The following IL1RAPL1 variants were observed in gnomAD, a reference collection of about 807,000 sequenced individuals.
IL1RAPL1 encodes the protein interleukin 1 receptor accessory protein like 1.
Under a neutral mutation model 48.4 loss-of-function variants are expected in IL1RAPL1, and 3 were observed. That is an observed-to-expected ratio of 0.06 (90% CI 0.03 to 0.16). The LOEUF is 0.16. IL1RAPL1 is among the 10% of genes least tolerant of loss of function. IL1RAPL1 has a pLI of 1.00. For missense variants in IL1RAPL1, 349 were observed against 530.6 expected (o/e 0.66, Z 3.36); for synonymous variants, 185 against 187.7 (o/e 0.99, Z 0.12).
intron 5 of IL1RAPL1, among the ~76,000 whole-genome samples, chrX:29,429,045 T>G (rs1934383856): frequency 8.9e-6 from 1 of 112,492 alleles, no homozygotes; most frequent in African/African-American, 3.2e-5. Context: ...AGGCGAACTC[T>G]TCCCTTAACC....
intron 1 of IL1RAPL1, among the ~76,000 whole-genome samples, chrX:28,674,661 A>G (rs2074232927): frequency 8.9e-6 from 1 of 111,775 alleles, no homozygotes; most frequent in African/African-American, 3.2e-5. Flanking sequence ...TCTTGGAGAT[A>G]TATTTATTTT....
chrX:29,587,500 GA>G (rs1456991803), intron 5 of IL1RAPL1, among the ~76,000 whole-genome samples: 1 of 111,032 alleles, frequency 9.0e-6, no homozygotes, highest in Non-Finnish European at 1.9e-5. Context: ...CAATATTCTT[GA>G]AAATTGCTCA....
intron 3 of IL1RAPL1, among the ~76,000 whole-genome samples, chrX:29,381,814 CAAAAAAA>C (rs1213630768): frequency 2.1e-4 from 7 of 33,376 alleles, no homozygotes; most frequent in African/African-American, 4.3e-4. Flanking sequence ...AGACTGTTGC[CAAAAAAA>C]AAAAAAAAAA....
intron 5 of IL1RAPL1, among the ~76,000 whole-genome samples, chrX:29,666,682 T>C (rs1926008142): frequency 9.0e-6 from 1 of 110,768 alleles, no homozygotes; most frequent in Admixed American, 9.8e-5. Flanking sequence ...CGGGTTTTAT[T>C]ATCTTTCTCT....
At chrX:29,867,481 A>G (rs142550129) in intron 6 of IL1RAPL1, among the ~76,000 whole-genome samples, 1,187 of 112,000 alleles carry the variant, frequency 0.011, 14 homozygotes, top group African/African-American at 0.035. Context: ...TTGAGGACAC[A>G]GCATTCAAGG....
chrX:29,257,119 C>T (rs1320562518), intron 2 of IL1RAPL1, among the ~76,000 whole-genome samples: 1 of 111,475 alleles, frequency 9.0e-6, no homozygotes, highest in Non-Finnish European at 1.9e-5. Context: ...ATAAACAGCT[C>T]ACAGAGATAT....
chrX:28,888,335 G>A (rs1453091734), intron 2 of IL1RAPL1, among the ~76,000 whole-genome samples: 1 of 111,015 alleles, frequency 9.0e-6, no homozygotes, highest in African/African-American at 3.3e-5. Flanking sequence ...TTAGGCAGTC[G>A]GCACCTCAAC....
intron 3 of IL1RAPL1, among the ~76,000 whole-genome samples, chrX:29,350,637 C>T (rs368104015): frequency 1.1e-3 from 113 of 106,967 alleles, no homozygotes; most frequent in African/African-American, 3.5e-3. Context: ...ACACACCCAG[C>T]GATGGGCTGG....
chrX:28,787,824 A>T (rs1216827679), intron 1 of IL1RAPL1, among the ~76,000 whole-genome samples: 1 of 111,879 alleles, frequency 8.9e-6, no homozygotes, highest in Non-Finnish European at 1.9e-5. Flanking sequence ...TGGATTGATC[A>T]GTCCTCAAGT....
At chrX:28,952,079 G>C (rs1470898029) in intron 2 of IL1RAPL1, among the ~76,000 whole-genome samples, 4 of 110,524 alleles carry the variant, frequency 3.6e-5, no homozygotes, top group Admixed American at 9.7e-5. Context: ...CAATAAATAG[G>C]TACCGTAGAG....
At chrX:29,854,571 T>C (rs1173647178) in intron 6 of IL1RAPL1, among the ~76,000 whole-genome samples, 1 of 111,703 alleles carries the variant, frequency 9.0e-6, no homozygotes, top group Admixed American at 9.5e-5. Flanking sequence ...TGGAATCAGA[T>C]GGCTACATTT....
At chrX:29,173,983 C>T (rs932140599) in intron 2 of IL1RAPL1, among the ~76,000 whole-genome samples, 2 of 109,468 alleles carry the variant, frequency 1.8e-5, no homozygotes, top group African/African-American at 3.3e-5. Flanking sequence ...TGCAATGGAA[C>T]GATCTCGGCT....
At chrX:29,436,861 G>A (rs1184467672) in intron 5 of IL1RAPL1, among the ~76,000 whole-genome samples, 1 of 110,445 alleles carries the variant, frequency 9.1e-6, no homozygotes, top group African/African-American at 3.3e-5. Context: ...TTGCCTTCAT[G>A]TTTGTCTATT....
chrX:29,216,944 A>G (rs1485765812), intron 2 of IL1RAPL1, among the ~76,000 whole-genome samples: 1 of 111,860 alleles, frequency 8.9e-6, no homozygotes, highest in East Asian at 2.8e-4. Context: ...TGGGGAATAC[A>G]GGGCCAAGGT....
chrX:28,945,393 A>G (rs2147351550), intron 2 of IL1RAPL1, among the ~76,000 whole-genome samples: 1 of 111,713 alleles, frequency 9.0e-6, no homozygotes, highest in East Asian at 2.8e-4. Context: ...AATGCGGTAC[A>G]TATACACCAT....
At chrX:28,945,064 C>T (rs1372797030) in intron 2 of IL1RAPL1, among the ~76,000 whole-genome samples, 1 of 111,157 alleles carries the variant, frequency 9.0e-6, no homozygotes, top group Non-Finnish European at 1.9e-5. Flanking sequence ...CCATCTCACG[C>T]CAGTCAGAAT....
chrX:29,220,859 A>G (rs1268714590), intron 2 of IL1RAPL1, among the ~76,000 whole-genome samples: 3 of 112,023 alleles, frequency 2.7e-5, no homozygotes, highest in Admixed American at 9.5e-5. Context: ...CCACTGCTAG[A>G]CATTCTGCAT....
At chrX:29,332,095 CTTTTTTTTTTTTTTTT>C (rs72360733) in intron 3 of IL1RAPL1, among the ~76,000 whole-genome samples, 3 of 27,889 alleles carry the variant, frequency 1.1e-4, no homozygotes, top group African/African-American at 2.1e-4. Context: ...ATTCTAAGGT[CTTTTTTTTTTTTTTTT>C]TTTTTTTTTT....
chrX:29,604,463 T>G (rs6526903), intron 5 of IL1RAPL1, among the ~76,000 whole-genome samples: 59,058 of 109,722 alleles, frequency 0.54, 12,802 homozygotes, highest in African/African-American at 0.81. Context: ...TTTTGAGAGG[T>G]AGTCTCACTC....
Sources: gnomAD v4.1 joint callset for allele counts (sites outside exome capture counted in the v4.1 genomes callset) on GRCh38, gnomAD v4.1.1 for gene constraint, MANE v1.5 for transcripts, NCBI Gene and HGNC (gene_info 2026-07-23, HGNC 2026-07-21) for gene names.